ZNF678: variants seen among roughly 807,000 people sequenced by gnomAD.
ZNF678 encodes hypothetical protein MGC42493.
In ZNF678, 5 loss-of-function variants were observed where a neutral mutation model predicts 3.0. The observed-to-expected ratio is 1.69, with a 90% confidence interval of 0.88 to 3.56. The LOEUF (loss-of-function observed/expected upper bound fraction) is 3.56. Ranked by LOEUF, ZNF678 falls within the 30% of genes most tolerant of loss-of-function variation. The pLI is 0.00. For synonymous variants in ZNF678, 218 were observed against 199.6 expected, an observed-to-expected ratio of 1.09 and a Z score of -0.78; for missense variants, 593 against 605.0, an observed-to-expected ratio of 0.98 and a Z score of 0.21.
Position 227,659,545 on chromosome 1 carries a change from G to C in ZNF678, c.*3717G>C, listed in dbSNP as rs534943732. ...AGTGAAAGCCATAGAGTCCTTTGGT[G>C]ACTCCCATGTTCTGTGCTGGTTCTA... On this transcript the variant is annotated 3_prime_UTR_variant, in exon 4 of 4. Coordinates refer to ENST00000343776, the MANE Select transcript of ZNF678 (RefSeq NM_001367909.1). 2.0e-5 allele frequency: 3 copies of C among 152,236 alleles called. No homozygotes were observed. In the South Asian group the frequency reaches 6.2e-4, roughly 32 times the overall value. 9.4% of individuals were successfully genotyped at this position (152,236 alleles called of 1,614,324 possible). A position where few individuals can be genotyped will look rare whatever the true frequency, so the allele number is the denominator to read the frequency against.
intron 1 of ZNF678, among the ~76,000 whole-genome samples, chr1:227,590,625 C>G (rs1444758499): frequency 6.6e-6 from 1 of 151,748 alleles, no homozygotes; most frequent in Non-Finnish European, 1.5e-5. Flanking sequence ...GACAGGGAAG[C>G]CCAGGAGTTC....
intron 1 of ZNF678, chr1:227,599,124 T>C (rs922243999): frequency 2.6e-6 from 4 of 1,528,982 alleles, no homozygotes; most frequent in Non-Finnish European, 3.6e-6. Context: ...ATTGGGTTTA[T>C]ATAGGCCAGG....
intron 1 of ZNF678, among the ~76,000 whole-genome samples, chr1:227,580,139 G>A (rs985660845): frequency 5.9e-5 from 9 of 152,018 alleles, no homozygotes; most frequent in African/African-American, 9.7e-5. Context: ...AATGAGTCCC[G>A]GTGTACAGTA....
chr1:227,568,646 C>A (rs575939451), intron 1 of ZNF678, among the ~76,000 whole-genome samples: 32 of 152,298 alleles, frequency 2.1e-4, no homozygotes, highest in African/African-American at 7.5e-4. Flanking sequence ...GTGAGGAGTT[C>A]TGTCAAATTA....
intron 1 of ZNF678, among the ~76,000 whole-genome samples, chr1:227,620,902 G>A (rs1187449418): frequency 6.6e-6 from 1 of 152,016 alleles, no homozygotes; most frequent in East Asian, 1.9e-4. Context: ...GGACATGTTT[G>A]CTTCTTCCTG....
At position 227,638,351 on chromosome 1, in the gene ZNF678, A is replaced by G. The variant is rs1658733721; in HGVS notation, c.-163-8193A>G. ...TGAGCCTGAGGTCCTGAACTAAGCG[A>G]TAAGTTCCTGGCTTTTTAACAGATA... On this transcript the variant is annotated intron_variant, in intron 1 of 3. Coordinates refer to ENST00000343776, the MANE Select transcript of ZNF678 (RefSeq NM_001367909.1). This position sits in a 1 kb window ranked among gnomAD's most constrained non-coding sequence, Gnocchi z 4.2. Among the ~76,000 whole-genome samples the G allele has an allele frequency of 6.6e-6, 1 of 152,334 alleles. No homozygotes were observed. Among genetic ancestry groups the G allele is most frequent in the South Asian group, 2.1e-4 (1 of 4,822 alleles).
chr1:227,645,767 C>T lies in ZNF678; in HGVS notation c.-163-777C>T, dbSNP rs1322817184. 2.6e-5 allele frequency among the ~76,000 whole-genome samples: 4 copies of T among 152,304 alleles called. No individual in the cohort carries two copies. The South Asian group carries it at 6.2e-4, about 24-fold the overall frequency. ...TATCATAGCAATGATGTTGTAACCT[C>T]CTCCTGTGCATTTTTACACGTGATA... On this transcript the variant is annotated intron_variant, in intron 1 of 3. Coordinates refer to ENST00000343776, the MANE Select transcript of ZNF678 (RefSeq NM_001367909.1).
At chr1:227,626,330 A>G (rs980124143) in intron 1 of ZNF678, among the ~76,000 whole-genome samples, 1 of 152,164 alleles carries the variant, frequency 6.6e-6, no homozygotes, top group African/African-American at 2.4e-5. Context: ...TGATGTATCC[A>G]AGATTCTACT....
chr1:227,666,741 CTTT>C (rs1182440018), downstream of ZNF678, among the ~76,000 whole-genome samples: 4 of 115,154 alleles, frequency 3.5e-5, no homozygotes, highest in Non-Finnish European at 5.4e-5. Context: ...TTCTTTCTTG[CTTT>C]TTTTTTTTTT....
In ZNF678 at chr1:227,563,592, A is replaced by T; in HGVS notation, c.-296A>T. 4.1e-6 allele frequency: 4 copies of T among 969,996 alleles called. No individual in the cohort carries two copies. The highest frequency in any genetic ancestry group is 4.6e-5 in the Admixed American group (2 of 43,152). The allele number at this position is 969,996 out of a possible 1,614,324, so 60.1% of individuals were successfully genotyped here. A position where few individuals can be genotyped will look rare whatever the true frequency, so the allele number is the denominator to read the frequency against. On this transcript the variant is annotated 5_prime_UTR_variant, in exon 1 of 4. Coordinates refer to ENST00000343776, the MANE Select transcript of ZNF678 (RefSeq NM_001367909.1). ...GCTCCAGCTGGAGCTTTGGTCCCGT[A>T]TTCTCGGCTATTTATCCCCAGCTGC... is the stretch of plus-strand genomic sequence containing the variant.
chr1:227,675,660 A>G (rs1659666266), intron 5 of ZNF678, among the ~76,000 whole-genome samples: 1 of 152,124 alleles, frequency 6.6e-6, no homozygotes, highest in Admixed American at 6.5e-5. Context: ...ACATCTTTAA[A>G]ATTATACATA....
intron 1 of ZNF678, among the ~76,000 whole-genome samples, chr1:227,613,035 A>T (rs1256207967): frequency 6.6e-6 from 1 of 152,154 alleles, no homozygotes; most frequent in African/African-American, 2.4e-5. Flanking sequence ...GCATTACCTG[A>T]GCCTTTCACC....
chr1:227,651,844 A>C (rs1361223140), intron 3 of ZNF678, among the ~76,000 whole-genome samples: 1 of 152,152 alleles, frequency 6.6e-6, no homozygotes, highest in East Asian at 1.9e-4. Context: ...AAATAGCTGG[A>C]ATTACAAATA....
chr1:227,615,530 G>A (rs898881143), intron 1 of ZNF678, among the ~76,000 whole-genome samples: 6 of 152,136 alleles, frequency 3.9e-5, no homozygotes, highest in African/African-American at 2.4e-5. Flanking sequence ...TGGTCCTCCT[G>A]TCCCACTCCA....
At chr1:227,565,813 G>T (rs1404214198) in intron 1 of ZNF678, among the ~76,000 whole-genome samples, 1 of 151,970 alleles carries the variant, frequency 6.6e-6, no homozygotes, top group Non-Finnish European at 1.5e-5. Context: ...AGGCTGGAGC[G>T]CAGTGGCCTG....
At chr1:227,579,961 A>G (rs1484935492) in intron 1 of ZNF678, among the ~76,000 whole-genome samples, 2 of 152,030 alleles carry the variant, frequency 1.3e-5, no homozygotes, top group African/African-American at 2.4e-5. Flanking sequence ...CTGGCTTGCT[A>G]TCTCTACCAA....
rs533159583 is a variant in ZNF678 at position 227,607,590 on chromosome 1, G to A, written c.-163-38954G>A. Among the ~76,000 whole-genome samples, 7 of 151,408 alleles carry A rather than the reference G, an allele frequency of 4.6e-5. No homozygotes were observed. The East Asian group carries it at 1.2e-3, about 25-fold the overall frequency. On this transcript the variant is annotated intron_variant, in intron 1 of 3. Transcript: ENST00000343776. Reference sequence around the variant, plus strand: ...GTGGTTGATCATTTGACGAATCAGTGGTTAACACTTACATAGCACAGAGTA... The same window carrying A: ...GTGGTTGATCATTTGACGAATCAGTAGTTAACACTTACATAGCACAGAGTA...
At chr1:227,571,925 C>T (rs2102716561) in intron 1 of ZNF678, among the ~76,000 whole-genome samples, 1 of 152,270 alleles carries the variant, frequency 6.6e-6, no homozygotes, top group East Asian at 1.9e-4. Context: ...GCCTGTAGTC[C>T]CAGCTACTCA....
intron 5 of ZNF678, among the ~76,000 whole-genome samples, chr1:227,668,443 C>T (rs939253648): frequency 6.6e-6 from 1 of 152,194 alleles, no homozygotes; most frequent in Non-Finnish European, 1.5e-5. Flanking sequence ...AAATTTATAA[C>T]AGTCCACACA....
Sources: allele counts gnomAD v4.1 joint callset (sites outside exome capture counted in the v4.1 genomes callset), GRCh38; gene constraint gnomAD v4.1.1; non-coding constraint Gnocchi (gnomAD v3.1); transcripts MANE v1.5; gene names NCBI Gene and HGNC (gene_info 2026-07-23, HGNC 2026-07-21).